The following KRT15 variants were observed in gnomAD, a reference collection of about 807,000 sequenced individuals.
KRT15 encodes keratin, type I cytoskeletal 15.
KRT15 carries 45 observed loss-of-function variants against 46.6 expected under a neutral mutation model. That is an observed-to-expected ratio of 0.97 (90% CI 0.76 to 1.24). The LOEUF is 1.24. Among genes scored for constraint, KRT15 ranks in the 50% most tolerant of loss-of-function variants. The pLI, the probability that KRT15 is intolerant of heterozygous loss-of-function variation, is 0.00. For missense variants in KRT15, 592 were observed against 588.9 expected (o/e 1.01, Z -0.05); for synonymous variants, 221 against 233.8 (o/e 0.95, Z 0.50).
rs370124105 is a variant in KRT15 at position 41,518,504 on chromosome 17, G to A, written c.324C>T (p.Thr108=). The change falls in exon 1 of 8, where the codon ACC becomes ACT. Residue 108 remains threonine (T), a synonymous_variant. Transcript: ENST00000254043. ...GGLLSGNEKI[T]MQNLNDRLAS... ...CCAGGCGGTCATTGAGGTTCTGCAT[G>A]GTAATTTTCTCATTGCCAGAGAGGA... is the stretch of plus-strand genomic sequence containing the variant. The A allele has an allele frequency of 3.3e-5, 54 of 1,613,810 alleles. No homozygotes were observed. Among genetic ancestry groups the A allele is most frequent in the Non-Finnish European group, 4.4e-5 (52 of 1,179,970 alleles).
chr17:41,515,430 A>C lies in KRT15; in HGVS notation c.1247+42T>G. On this transcript the variant is annotated intron_variant, in intron 6 of 7. Transcript: ENST00000254043. The stretch of plus-strand genomic sequence containing the variant: ...TAGGATGACCCTGCACCCTAGCCAC[A>C]AGCAGCCCTCATCACTCCTTCCCCT... 3 of 1,570,998 alleles carry C rather than the reference A, an allele frequency of 1.9e-6. No individual in the cohort carries two copies. In the South Asian group the frequency reaches 3.3e-5, roughly 17 times the overall value.
At chr17:41,517,893 T>G (rs1408514762) in intron 1 of KRT15, among the ~76,000 whole-genome samples, 1 of 152,084 alleles carries the variant, frequency 6.6e-6, no homozygotes, top group African/African-American at 2.4e-5. Flanking sequence ...CTCTTTTTTT[T>G]TAATTATTTT....
chr17:41,517,498 T>G, intron 1 of KRT15: 1 of 353,684 alleles, frequency 2.8e-6, no homozygotes, highest in Non-Finnish European at 5.4e-6. Context: ...GCTCTGACAA[T>G]AGCTCTCTCA....
Position 41,513,904 on chromosome 17 carries a change from C to G in KRT15, c.*119G>C, listed in dbSNP as rs377177206. The G allele has an allele frequency of 1.3e-5, 10 of 780,200 alleles. No individual in the cohort carries two copies. Among genetic ancestry groups the G allele is most frequent in the Admixed American group, 7.3e-5 (4 of 54,830 alleles). The allele number at this position is 780,200 out of a possible 1,614,324, so 48.3% of individuals were successfully genotyped here. On this transcript the variant is annotated 3_prime_UTR_variant, in exon 8 of 8. Transcript: ENST00000254043. ...GCCCTGAAATAAAAGACCGAGGGAC[C>G]CTTTTCAGCTCTCTGAAGGCAGGGA...
rs893360948 is a variant in KRT15, at chr17:41,515,669, C to T, written c.1050G>A (p.Leu350=). 1 of 1,614,086 alleles carries T rather than the reference C, an allele frequency of 6.2e-7. No homozygotes were observed. The highest frequency in any genetic ancestry group is 1.3e-5 in the African/African-American group (1 of 75,038). ...TGGCATAGCGGCACTCTGTCTCGGC[C>T]AGTGAGTTCTCCAGCCCAGCTTTCT... ...LSMKAGLENS[L]AETECRYATQ... The change falls in exon 6 of 8, where the codon CTG becomes CTA. Residue 350 remains leucine (L), a synonymous_variant. Coordinates refer to ENST00000254043, the MANE Select transcript of KRT15 (RefSeq NM_002275.4).
chr17:41,515,831 A>G, intron 5 of KRT15, 54 bp downstream of exon 5: 1 of 1,612,986 alleles, frequency 6.2e-7, no homozygotes, highest in Non-Finnish European at 8.5e-7. Flanking sequence ...ATAGCCAGGA[A>G]GAGTGGGAGC....
rs1597775043 is a variant in KRT15, at chr17:41,517,172, G to A, written c.499-7C>T. ...CGATGGTGGTGGCCATGATCTGCAG[G>A]AGACAGAGTCGGTGTCTAGAGGACT... On this transcript the variant is annotated splice_region_variant and splice_polypyrimidine_tract_variant and intron_variant, in intron 1 of 7. Transcript: ENST00000254043. 2 of 1,613,434 alleles carry A rather than the reference G, an allele frequency of 1.2e-6. No homozygotes were observed. Among genetic ancestry groups the A allele is most frequent in the South Asian group, 1.1e-5 (1 of 91,054 alleles).
Position 41,516,158 on chromosome 17 carries a change from G to T in KRT15, c.846C>A (p.Tyr282Ter). The change falls in exon 4 of 8, where the codon TAC (tyrosine) becomes TAA (stop). Residue 282 changes from tyrosine to a stop codon, truncating the protein, a stop_gained. Transcript: ENST00000254043. LOFTEE classifies it high-confidence loss of function. The stretch of plus-strand genomic sequence containing the variant: ...GGCGGTTCTTCTCCGCCATGGCCTC[G>T]TACTGCTCCCTCATCTCTGCCAGCA... ...TRVLAEMREQ[Y>*]EAMAEKNRRD... The T allele has an allele frequency of 6.2e-7, 1 of 1,614,158 alleles. No individual in the cohort carries two copies.
At chr17:41,514,199 T>G in intron 7 of KRT15, 79 bp from the exon 8 acceptor site, 7 of 1,100,208 alleles carry the variant, frequency 6.4e-6, no homozygotes, top group Non-Finnish European at 9.8e-6. Context: ...GGCGGGGCTC[T>G]GGGAAAACTA....
rs373081379 is a variant in KRT15 at position 41,515,952 on chromosome 17, G to A, written c.959C>T (p.Thr320Met). ...CGTGCGTCTCAGGTCTGTGATCTCC[G>A]TCTTGCTGGTCTGGATCATTTCTGT... The part of the protein sequence containing the change: ...SNTEMIQTSK[T>M]EITDLRRTMQ... The change falls in exon 5 of 8, where the codon ACG (threonine) becomes ATG (methionine). Residue 320 changes from threonine to methionine, a missense_variant. By Grantham distance (81) the Thr-to-Met change is moderately conservative. Transcript: ENST00000254043. 144 of 1,614,144 alleles carry A rather than the reference G, an allele frequency of 8.9e-5. No individual in the cohort carries two copies. Among genetic ancestry groups the A allele is most frequent in the South Asian group, 4.6e-4 (42 of 91,078 alleles).
chr17:41,517,320 G>A, intron 1 of KRT15, 155 bp from the exon 2 acceptor site: 2 of 641,008 alleles, frequency 3.1e-6, no homozygotes, highest in Non-Finnish European at 5.5e-6. Context: ...TCTGGGGTGG[G>A]CAAAGTCCAG....
chr17:41,517,093 A>G lies in KRT15; in HGVS notation c.571T>C (p.Phe191Leu). The change falls in exon 2 of 8, where the codon TTC becomes CTC. Residue 191 changes from phenylalanine to leucine, a missense_variant. Phe to Leu is a conservative substitution (Grantham distance 22). Transcript: ENST00000254043. ...GACGGGGGAGCGCACTTGAGCCTGA[A>G]GTCGTCCGCAGCCAGCCTGGCATTG... ...IDNARLAADD[F>L]RLKYENELAL... The G allele has an allele frequency of 6.2e-7, 1 of 1,614,182 alleles. No homozygotes were observed.
At position 41,518,539 on chromosome 17, in the gene KRT15, CGCCACCACCAAA is replaced by C. The variant is rs779522130; in HGVS notation, c.277_288del (p.Phe93_Gly96del). On this transcript the variant is annotated inframe_deletion, in exon 1 of 8. Coordinates refer to ENST00000254043, the MANE Select transcript of KRT15 (RefSeq NM_002275.4). The stretch of plus-strand genomic sequence containing the variant: ...TCATTGCCAGAGAGGAGACCACCAT[CGCCACCACCAAA>C]GCCACCACCAAAACCCCCACCAACG... 1.2e-5 allele frequency: 20 copies of C among 1,613,908 alleles called. No homozygotes were observed. Among genetic ancestry groups the C allele is most frequent in the East Asian group, 6.7e-5 (3 of 44,888 alleles).
chr17:41,514,435 C>G (rs1366327672), intron 7 of KRT15: 14 of 603,332 alleles, frequency 2.3e-5, no homozygotes, highest in Non-Finnish European at 3.8e-5. Flanking sequence ...CTGAATGAAG[C>G]CTACTCAACC....
Position 41,518,785 on chromosome 17 carries a change from C to T in KRT15, c.43G>A (p.Gly15Ser), listed in dbSNP as rs77281280. Residue 15 changes from glycine to serine, a missense_variant, in exon 1 of 8, where the codon GGT becomes AGT. Gly to Ser is a moderately conservative substitution (Grantham distance 56). Transcript: ENST00000254043. Reference protein sequence around the residue: ...FLQTSSSTFGGGSTRGGSLLA... With the variant: ...FLQTSSSTFGSGSTRGGSLLA... Reference sequence around the variant, plus strand: ...AGGGAACCCCCTCGGGTTGAGCCACCCCCAAAGGTGGAGGAAGAAGTTTGC... The same window carrying T: ...AGGGAACCCCCTCGGGTTGAGCCACTCCCAAAGGTGGAGGAAGAAGTTTGC... The T allele has an allele frequency of 3.2e-3, 4,988 of 1,556,712 alleles. 151 individuals are homozygous for T. In the African/African-American group the frequency reaches 0.062, roughly 19 times the overall value.
intron 7 of KRT15, 99 bp from the exon 8 acceptor site, chr17:41,514,219 C>A (rs112907460): frequency 1.7e-4 from 153 of 887,034 alleles, no homozygotes; most frequent in Admixed American, 6.1e-4. Context: ...AGACAGCACC[C>A]CTGAGAATGG....
chr17:41,514,189 G>T (rs1905255280), intron 7 of KRT15, 69 bp from the exon 8 acceptor site: 1 of 1,256,234 alleles, frequency 8.0e-7, no homozygotes, highest in Non-Finnish European at 1.2e-6. Context: ...CCAGGACCTT[G>T]GCGGGGCTCT....
At position 41,515,499 on chromosome 17, in the gene KRT15, C is replaced by T. The variant is rs780820668; in HGVS notation, c.1220G>A (p.Arg407His). The T allele has an allele frequency of 1.8e-5, 29 of 1,613,566 alleles. No individual in the cohort carries two copies. The highest frequency in any genetic ancestry group is 6.7e-5 in the Admixed American group (4 of 60,008). Residue 407 changes from arginine (R) to histidine (H), a missense_variant, in exon 6 of 8, where the codon CGC becomes CAC. Transcript: ENST00000254043. Reference protein sequence around the residue: ...TRLEQEIATYRSLLEGQDAKM... With the variant: ...TRLEQEIATYHSLLEGQDAKM... ...GGCATCCTGGCCCTCGAGCAGGCTG[C>T]GGTAAGTAGCGATCTCCTGCTCCAG... is the stretch of plus-strand genomic sequence containing the variant.
chr17:41,514,003 G>A lies in KRT15; in HGVS notation c.*20C>T, dbSNP rs372529305. The A allele has an allele frequency of 1.8e-4, 285 of 1,578,678 alleles. No individual in the cohort carries two copies. The highest frequency in any genetic ancestry group is 2.4e-4 in the Non-Finnish European group (272 of 1,147,876). On this transcript the variant is annotated 3_prime_UTR_variant, in exon 8 of 8. Transcript: ENST00000254043. The stretch of plus-strand genomic sequence containing the variant: ...ATGAGAGTGGGGAGTGGCAAGGGAC[G>A]TTTCTCCTGCAATAGACACTTAGAT...
Sources: gnomAD v4.1 joint callset for allele counts (sites outside exome capture counted in the v4.1 genomes callset) on GRCh38, gnomAD v4.1.1 for gene constraint, MANE v1.5 for transcripts, NCBI Gene and HGNC (gene_info 2026-07-23, HGNC 2026-07-21) for gene names.